SPAG9: variants seen among roughly 807,000 people sequenced by gnomAD.
SPAG9 encodes the protein sperm associated antigen 9.
A neutral mutation model predicts 166.5 loss-of-function variants in SPAG9; 35 were observed. The ratio of observed to expected loss-of-function variants is 0.21; its 90% CI spans 0.16 to 0.28. The LOEUF (loss-of-function observed/expected upper bound fraction) is 0.28. SPAG9 is among the 10% of genes least tolerant of loss of function. The probability of loss-of-function intolerance (pLI) is 1.00; values close to 1 mark genes in which losing one functional copy is unlikely to be tolerated. For synonymous variants in SPAG9, 534 were observed against 565.5 expected (o/e 0.94, Z 0.79); for missense variants, 1,235 against 1,603.3 (o/e 0.77, Z 3.92).
intron 2 of SPAG9, among the ~76,000 whole-genome samples, chr17:51,073,958 C>T (rs553161166): frequency 2.4e-4 from 36 of 152,226 alleles, no homozygotes; most frequent in African/African-American, 7.2e-4. Context: ...AAAATTAGGC[C>T]GGGCGTGGTG....
intron 2 of SPAG9, among the ~76,000 whole-genome samples, chr17:51,071,166 C>G (rs1598124654): frequency 6.6e-6 from 1 of 152,058 alleles, no homozygotes; most frequent in South Asian, 2.1e-4. Context: ...GCATACTGGA[C>G]CAGTTTAATA....
At chr17:51,065,607 C>A (rs1240274189) in intron 2 of SPAG9, among the ~76,000 whole-genome samples, 1 of 152,190 alleles carries the variant, frequency 6.6e-6, no homozygotes, top group African/African-American at 2.4e-5. Flanking sequence ...GGCAAAATAA[C>A]ATACTAATGG....
chr17:51,040,595 T>C (rs929412624), intron 5 of SPAG9: 1 of 152,208 alleles, frequency 6.6e-6, no homozygotes, highest in Non-Finnish European at 1.5e-5. Flanking sequence ...TAGGCACTTT[T>C]CCAAGTGCTG....
rs539532782 is a variant in SPAG9, at chr17:51,094,017, G to A, written c.304-14313C>T. Among the ~76,000 whole-genome samples the A allele has an allele frequency of 1.1e-4, 17 of 152,250 alleles. No homozygotes were observed. In the South Asian group the frequency reaches 1.9e-3, roughly 17 times the overall value. ...AATTACATGAAGGTCTAAAGTCTACGTACTAAACAGTAATAGGGCCTCCTT... is the reference window on the plus strand; with the variant it reads ...AATTACATGAAGGTCTAAAGTCTACATACTAAACAGTAATAGGGCCTCCTT... On this transcript the variant is annotated intron_variant, in intron 1 of 29. Coordinates refer to ENST00000262013, the MANE Select transcript of SPAG9 (RefSeq NM_001130528.3).
chr17:51,105,729 G>A (rs1187112177), intron 1 of SPAG9, among the ~76,000 whole-genome samples: 1 of 152,008 alleles, frequency 6.6e-6, no homozygotes, highest in Non-Finnish European at 1.5e-5. Flanking sequence ...AATTAGCTGG[G>A]CATGGTGGCG....
At chr17:51,105,677 G>A (rs528474536) in intron 1 of SPAG9, among the ~76,000 whole-genome samples, 4 of 151,900 alleles carry the variant, frequency 2.6e-5, no homozygotes, top group Non-Finnish European at 5.9e-5. Context: ...AGGCCATCCT[G>A]GCTAACACAG....
At chr17:51,103,077 G>A (rs9915304) in intron 1 of SPAG9, among the ~76,000 whole-genome samples, 6,561 of 152,172 alleles carry the variant, frequency 0.043, 481 homozygotes, top group African/African-American at 0.15. Context: ...GAGAAGTCAT[G>A]GTTTTTCTGT....
intron 3 of SPAG9, among the ~76,000 whole-genome samples, chr17:51,053,857 ATATATATATATATATATATATATATAT>A (rs2047268946): frequency 2.7e-5 from 1 of 36,580 alleles, no homozygotes; most frequent in Non-Finnish European, 4.5e-5. Context: ...AAAAAAAAGT[ATATATATATATATATATATATATATAT>A]ATATATATAT....
chr17:50,982,734 G>C, intron 24 of SPAG9, 62 bp from the exon 25 acceptor site: 1 of 1,383,934 alleles, frequency 7.2e-7, no homozygotes, highest in Admixed American at 2.2e-5. Flanking sequence ...TTCAACACAA[G>C]AAACATTTTA....
At chr17:51,115,652 GA>G (rs141104324) in intron 1 of SPAG9, among the ~76,000 whole-genome samples, 16,425 of 151,860 alleles carry the variant, frequency 0.11, 1,127 homozygotes, top group Non-Finnish European at 0.16. Flanking sequence ...CCAACATGCA[GA>G]AACCCCAACT....
At chr17:51,040,065 T>A (rs1320955420) in intron 5 of SPAG9, among the ~76,000 whole-genome samples, 2 of 151,968 alleles carry the variant, frequency 1.3e-5, no homozygotes, top group African/African-American at 4.8e-5. Flanking sequence ...TGAAACTCTG[T>A]CTCTATTAAA....
intron 6 of SPAG9, among the ~76,000 whole-genome samples, chr17:51,024,025 G>C (rs1319423950): frequency 6.6e-6 from 1 of 152,210 alleles, no homozygotes; most frequent in South Asian, 2.1e-4. Flanking sequence ...GCCAGGCTCG[G>C]TGGCTCACGC....
At chr17:50,982,431 A>G (rs1974731192) in intron 25 of SPAG9, 93 bp downstream of exon 25, 1 of 1,217,706 alleles carries the variant, frequency 8.2e-7, no homozygotes, top group Admixed American at 2.5e-5. Flanking sequence ...AGATCCAGAA[A>G]CAATTTCTAA....
At chr17:51,034,645 C>T (rs2046516446) in intron 5 of SPAG9, among the ~76,000 whole-genome samples, 1 of 152,054 alleles carries the variant, frequency 6.6e-6, no homozygotes, top group Non-Finnish European at 1.5e-5. Context: ...AGACAACTCT[C>T]CCTGATAGAA....
chr17:51,001,426 T>C (rs1489326926), intron 13 of SPAG9, among the ~76,000 whole-genome samples: 3 of 152,222 alleles, frequency 2.0e-5, no homozygotes, highest in Non-Finnish European at 2.9e-5. Flanking sequence ...CTGACATTAC[T>C]GGGTAAGTAG....
intron 14 of SPAG9, among the ~76,000 whole-genome samples, chr17:50,999,164 A>T (rs2044815070): frequency 6.6e-6 from 1 of 152,194 alleles, no homozygotes; most frequent in Non-Finnish European, 1.5e-5. Flanking sequence ...ATTAAATAGC[A>T]GATTCACCAA....
intron 2 of SPAG9, among the ~76,000 whole-genome samples, chr17:51,070,241 G>A (rs924481156): frequency 6.6e-6 from 1 of 152,200 alleles, no homozygotes; most frequent in African/African-American, 2.4e-5. Flanking sequence ...CAAGGAGCCT[G>A]AGGGCAACAG....
intron 5 of SPAG9, among the ~76,000 whole-genome samples, chr17:51,038,361 A>T (rs2144365864): frequency 6.6e-6 from 1 of 152,304 alleles, no homozygotes; most frequent in South Asian, 2.1e-4. Context: ...GAAACCAGCA[A>T]TGGAGAAGGA....
chr17:50,976,030 C>T (rs1974180450), intron 27 of SPAG9: 1 of 698,446 alleles, frequency 1.4e-6, no homozygotes, highest in Admixed American at 2.1e-5. Context: ...ACGAAAATAA[C>T]AAGATCCCAC....
Sources: allele counts gnomAD v4.1 joint callset (sites outside exome capture counted in the v4.1 genomes callset), GRCh38; gene constraint gnomAD v4.1.1; transcripts MANE v1.5; gene names NCBI Gene and HGNC (gene_info 2026-07-23, HGNC 2026-07-21).